PTPRD: variants seen among roughly 807,000 people sequenced by gnomAD.
PTPRD encodes the protein receptor-type tyrosine-protein phosphatase delta.
PTPRD carries 34 observed loss-of-function variants against 214.5 expected under a neutral mutation model. That is an observed-to-expected ratio of 0.16 (90% CI 0.12 to 0.21). The LOEUF (loss-of-function observed/expected upper bound fraction) is 0.21, where lower values mean the gene tolerates loss of function less well. PTPRD is among the 10% of genes least tolerant of loss of function. PTPRD has a pLI of 1.00. For synonymous variants in PTPRD, 1,128 were observed against 845.7 expected (o/e 1.33, Z -5.79); for missense variants, 2,545 against 2,398.7 (o/e 1.06, Z -1.27).
intron 9 of PTPRD, among the ~76,000 whole-genome samples, chr9:9,291,491 G>T (rs543216724): frequency 2.6e-5 from 4 of 151,486 alleles, no homozygotes; most frequent in South Asian, 2.1e-4. Flanking sequence ...TAGAGATTTT[G>T]ATTAGATTTT....
intron 9 of PTPRD, among the ~76,000 whole-genome samples, chr9:9,366,971 A>C (rs1171968713): frequency 6.6e-6 from 1 of 151,468 alleles, no homozygotes; most frequent in Non-Finnish European, 1.5e-5. Context: ...AAATTACAAA[A>C]TGTCCTGCGA....
chr9:9,344,003 T>C (rs2047839137), intron 9 of PTPRD, among the ~76,000 whole-genome samples: 1 of 152,186 alleles, frequency 6.6e-6, no homozygotes, highest in Non-Finnish European at 1.5e-5. Flanking sequence ...ACATTAATAA[T>C]ATGTATCTTA....
chr9:9,888,882 C>T (rs1295608501), intron 5 of PTPRD, among the ~76,000 whole-genome samples: 1 of 152,124 alleles, frequency 6.6e-6, no homozygotes, highest in Admixed American at 6.6e-5. Flanking sequence ...AATGTTAGAT[C>T]ACCTATTGCA....
At chr9:10,256,136 C>T (rs1053249555) in intron 3 of PTPRD, among the ~76,000 whole-genome samples, 2 of 152,162 alleles carry the variant, frequency 1.3e-5, no homozygotes, top group African/African-American at 4.8e-5. Flanking sequence ...ACAGTTTCAT[C>T]CTGAAACCAA....
chr9:8,966,628 A>G (rs1294803117), intron 11 of PTPRD, among the ~76,000 whole-genome samples: 1 of 152,118 alleles, frequency 6.6e-6, no homozygotes, highest in Non-Finnish European at 1.5e-5. Context: ...AAAGATTTAA[A>G]TGTAAGACCT....
At chr9:9,141,892 T>A (rs576799472) in intron 10 of PTPRD, among the ~76,000 whole-genome samples, 2 of 152,156 alleles carry the variant, frequency 1.3e-5, no homozygotes, top group African/African-American at 4.8e-5. Flanking sequence ...TCGTGGAGGT[T>A]TATCATTAAT....
intron 43 of PTPRD, among the ~76,000 whole-genome samples, chr9:8,336,019 A>C (rs1040616633): frequency 1.3e-5 from 2 of 151,990 alleles, no homozygotes; most frequent in African/African-American, 4.8e-5. Context: ...ATATCGTGAA[A>C]ATGGCCATAC....
At chr9:9,936,110 A>T (rs1322313498) in intron 5 of PTPRD, among the ~76,000 whole-genome samples, 1 of 146,190 alleles carries the variant, frequency 6.8e-6, no homozygotes, top group Admixed American at 6.6e-5. Context: ...CGTTCGACCT[A>T]AAACCATAAA....
At chr9:10,462,993 A>G (rs1276008874) in intron 2 of PTPRD, among the ~76,000 whole-genome samples, 4 of 150,400 alleles carry the variant, frequency 2.7e-5, no homozygotes, top group African/African-American at 9.7e-5. Flanking sequence ...TATATTATAT[A>G]TATGCCATAC....
chr9:9,352,790 T>C (rs543148294), intron 9 of PTPRD, among the ~76,000 whole-genome samples: 9 of 152,146 alleles, frequency 5.9e-5, no homozygotes, highest in African/African-American at 9.6e-5. Context: ...TTTAAATGTC[T>C]GGAAGAAGAT....
At chr9:9,754,414 T>G (rs1194749765) in intron 6 of PTPRD, among the ~76,000 whole-genome samples, 1 of 152,068 alleles carries the variant, frequency 6.6e-6, no homozygotes, top group Non-Finnish European at 1.5e-5. Flanking sequence ...TTATTCTGAC[T>G]TAGTCACTGA....
At chr9:10,494,001 C>G (rs1486804308) in intron 2 of PTPRD, among the ~76,000 whole-genome samples, 1 of 151,822 alleles carries the variant, frequency 6.6e-6, no homozygotes, top group Non-Finnish European at 1.5e-5. Context: ...TGTTTCTTAT[C>G]TTAGCATAAA....
At chr9:9,403,290 C>CAAAAAAAA (rs56105335) in intron 8 of PTPRD, among the ~76,000 whole-genome samples, 13 of 60,618 alleles carry the variant, frequency 2.1e-4, no homozygotes, top group Admixed American at 4.9e-4. Flanking sequence ...TACTCTGTCT[C>CAAAAAAAA]AAAAAAAAAA....
At chr9:9,961,129 A>C (rs532464704) in intron 4 of PTPRD, among the ~76,000 whole-genome samples, 1 of 152,284 alleles carries the variant, frequency 6.6e-6, no homozygotes, top group South Asian at 2.1e-4. Flanking sequence ...TGAATTACTG[A>C]TATCACTTGT....
intron 35 of PTPRD, among the ~76,000 whole-genome samples, chr9:8,425,487 C>G (rs1229849155): frequency 3.9e-5 from 6 of 152,122 alleles, no homozygotes. Context: ...TTGGGAACCC[C>G]TGAGCAAGCC....
At chr9:9,787,229 A>T (rs79454557) in intron 5 of PTPRD, among the ~76,000 whole-genome samples, 1 of 152,034 alleles carries the variant, frequency 6.6e-6, no homozygotes, top group South Asian at 2.1e-4. Flanking sequence ...TAAAAAAAAA[A>T]GAACAAACAG....
At chr9:8,340,617 T>C (rs1257720658) in intron 41 of PTPRD, 148 bp from the exon 42 acceptor site, 1 of 791,400 alleles carries the variant, frequency 1.3e-6, no homozygotes, top group Non-Finnish European at 1.8e-6. Context: ...GATTAAATAA[T>C]CAAATAAGAG....
At chr9:10,302,515 G>A (rs2095894040) in intron 3 of PTPRD, among the ~76,000 whole-genome samples, 1 of 152,192 alleles carries the variant, frequency 6.6e-6, no homozygotes, top group Admixed American at 6.5e-5. Context: ...GTATTCGGGA[G>A]ACCCATCTCA....
chr9:9,360,845 A>G (rs2055846060), intron 9 of PTPRD, among the ~76,000 whole-genome samples: 1 of 151,166 alleles, frequency 6.6e-6, no homozygotes, highest in East Asian at 1.9e-4. Context: ...ATAAGTCAAG[A>G]GTACTGTTAT....
Sources: gnomAD v4.1 joint callset for allele counts (sites outside exome capture counted in the v4.1 genomes callset) on GRCh38, gnomAD v4.1.1 for gene constraint, MANE v1.5 for transcripts, NCBI Gene and HGNC (gene_info 2026-07-23, HGNC 2026-07-21) for gene names.